FHIT: variants seen among roughly 807,000 people sequenced by gnomAD.
FHIT encodes the protein bis(5'-adenosyl)-triphosphatase.
A neutral mutation model predicts 17.9 loss-of-function variants in FHIT; 19 were observed. That is an observed-to-expected ratio of 1.06 (90% CI 0.74 to 1.56). FHIT has a LOEUF of 1.56. FHIT is among the 40% of genes most tolerant of loss of function. FHIT has a pLI of 0.00. For synonymous variants in FHIT, 81 were observed against 69.7 expected, an observed-to-expected ratio of 1.16 and a Z score of -0.81; for missense variants, 248 against 189.2, an observed-to-expected ratio of 1.31 and a Z score of -1.82.
intron 5 of FHIT, among the ~76,000 whole-genome samples, chr3:60,466,641 T>C (rs547569509): frequency 1.3e-5 from 2 of 152,206 alleles, no homozygotes; most frequent in African/African-American, 2.4e-5. Flanking sequence ...CATATCGTTT[T>C]TGTCCTTGTG....
chr3:60,496,574 T>C (rs970351785), intron 5 of FHIT, among the ~76,000 whole-genome samples: 3 of 152,162 alleles, frequency 2.0e-5, no homozygotes, highest in South Asian at 2.1e-4. Flanking sequence ...ATTAGGACTA[T>C]AGAACTGCTC....
intron 5 of FHIT, among the ~76,000 whole-genome samples, chr3:60,146,839 G>A (rs540944694): frequency 1.3e-4 from 20 of 152,178 alleles, no homozygotes; most frequent in Admixed American, 7.8e-4. Context: ...ATGGAAATCC[G>A]GAACAAAAGC....
intron 4 of FHIT, among the ~76,000 whole-genome samples, chr3:60,538,963 C>T (rs1186392199): frequency 1.3e-5 from 2 of 151,980 alleles, no homozygotes; most frequent in Non-Finnish European, 2.9e-5. Context: ...AACTAAAGAG[C>T]TTCTGCACAG....
At chr3:60,111,611 T>C (rs756778431) in intron 5 of FHIT, among the ~76,000 whole-genome samples, 2 of 152,252 alleles carry the variant, frequency 1.3e-5, no homozygotes, top group Non-Finnish European at 2.9e-5. Flanking sequence ...TTTAAAGCTC[T>C]ATAATTAGCT....
Position 60,332,387 on chromosome 3 carries a change from C to G in FHIT, c.103+204473G>C, listed in dbSNP as rs201132683. The stretch of plus-strand genomic sequence containing the variant: ...TGGCTATAGAGTATCTGCTCAGACA[C>G]TAGAGTATCTACGATGGAGGAAAAT... On this transcript the variant is annotated intron_variant, in intron 5 of 9. Coordinates refer to ENST00000492590, the MANE Select transcript of FHIT (RefSeq NM_002012.4). Among the ~76,000 whole-genome samples, 16 of 152,288 alleles carry G rather than the reference C, an allele frequency of 1.1e-4. No homozygotes were observed. In the East Asian group the frequency reaches 1.9e-3, roughly 18 times the overall value.
intron 2 of FHIT, among the ~76,000 whole-genome samples, chr3:61,134,538 G>A (rs530836799): frequency 2.8e-4 from 43 of 152,196 alleles, no homozygotes; most frequent in Non-Finnish European, 5.9e-4. Flanking sequence ...TTCAAAGGAA[G>A]GAGAAATGAT....
At chr3:60,852,769 C>T (rs1292888121) in intron 3 of FHIT, among the ~76,000 whole-genome samples, 3 of 151,776 alleles carry the variant, frequency 2.0e-5, no homozygotes, top group African/African-American at 7.3e-5. Context: ...TTTGGGAGGC[C>T]AAAGTGGGAA....
intron 5 of FHIT, among the ~76,000 whole-genome samples, chr3:60,129,254 T>A (rs1255577103): frequency 6.6e-6 from 1 of 152,086 alleles, no homozygotes; most frequent in African/African-American, 2.4e-5. Context: ...GGTTTCACCA[T>A]GTTGGCAGGG....
At chr3:60,929,252 A>G (rs1707819937) in intron 3 of FHIT, among the ~76,000 whole-genome samples, 1 of 152,222 alleles carries the variant, frequency 6.6e-6, no homozygotes, top group Non-Finnish European at 1.5e-5. Flanking sequence ...CACAGCCAAT[A>G]TCATACTGAA....
chr3:60,101,189 A>G (rs2107140720), intron 5 of FHIT, among the ~76,000 whole-genome samples: 1 of 152,314 alleles, frequency 6.6e-6, no homozygotes, highest in Non-Finnish European at 1.5e-5. Flanking sequence ...AAAGCAGGGA[A>G]CCCTGACCCT....
chr3:59,979,992 G>C (rs577998903), intron 7 of FHIT, among the ~76,000 whole-genome samples: 1 of 152,248 alleles, frequency 6.6e-6, no homozygotes, highest in East Asian at 1.9e-4. Context: ...GTGTCTGACA[G>C]ATGGCAAATA....
At chr3:60,226,958 A>G (rs936535819) in intron 5 of FHIT, among the ~76,000 whole-genome samples, 5 of 152,174 alleles carry the variant, frequency 3.3e-5, no homozygotes, top group Admixed American at 2.6e-4. Flanking sequence ...ATCAAAAGTC[A>G]TTTCCATGCA....
intron 5 of FHIT, among the ~76,000 whole-genome samples, chr3:60,426,740 T>C (rs1156764504): frequency 6.6e-6 from 1 of 152,156 alleles, no homozygotes; most frequent in African/African-American, 2.4e-5. Context: ...ATCAGAATTT[T>C]GGCTTCGAGA....
intron 5 of FHIT, among the ~76,000 whole-genome samples, chr3:60,371,371 T>C (rs2107059314): frequency 6.6e-6 from 1 of 152,162 alleles, no homozygotes; most frequent in East Asian, 1.9e-4. Flanking sequence ...CTAGCTTTTT[T>C]TTTTAAGAGA....
At chr3:60,323,526 C>A (rs1709528344) in intron 5 of FHIT, among the ~76,000 whole-genome samples, 1 of 152,114 alleles carries the variant, frequency 6.6e-6, no homozygotes, top group Non-Finnish European at 1.5e-5. Context: ...GCCCTGCAGG[C>A]TGGAAACAAG....
At chr3:61,208,814 A>T (rs1194639342) in intron 1 of FHIT, among the ~76,000 whole-genome samples, 1 of 152,040 alleles carries the variant, frequency 6.6e-6, no homozygotes, top group East Asian at 1.9e-4. Context: ...TAGTCCATTT[A>T]CATTTAAGGT....
intron 4 of FHIT, among the ~76,000 whole-genome samples, chr3:60,549,792 C>G (rs937173983): frequency 2.6e-5 from 4 of 152,152 alleles, no homozygotes; most frequent in Admixed American, 2.6e-4. Flanking sequence ...AAACACTGTT[C>G]TCTTCGTTAA....
At chr3:60,173,999 C>T (rs1227999293) in intron 5 of FHIT, among the ~76,000 whole-genome samples, 5 of 145,742 alleles carry the variant, frequency 3.4e-5, no homozygotes, top group South Asian at 2.2e-4. Context: ...CTGCAACCTC[C>T]GCCTCCTGGG....
chr3:60,415,820 T>C (rs1245180482), intron 5 of FHIT, among the ~76,000 whole-genome samples: 2 of 149,668 alleles, frequency 1.3e-5, no homozygotes, highest in Non-Finnish European at 3.0e-5. Context: ...TTTCCTCATC[T>C]ATAAAATAAT....
Sources: gnomAD v4.1 joint callset for allele counts (sites outside exome capture counted in the v4.1 genomes callset) on GRCh38, gnomAD v4.1.1 for gene constraint, MANE v1.5 for transcripts, NCBI Gene and HGNC (gene_info 2026-07-23, HGNC 2026-07-21) for gene names.